Variants in ZP4 observed in about 807,000 individuals in gnomAD.
ZP4 encodes zona pellucida sperm-binding protein 4.
ZP4 carries 62 observed loss-of-function variants against 62.3 expected under a neutral mutation model. That is an observed-to-expected ratio of 0.99 (90% CI 0.81 to 1.23). ZP4 has a LOEUF of 1.23. Ranked by LOEUF, ZP4 falls within the 50% of genes most tolerant of loss-of-function variation. The pLI is 0.00. For synonymous variants in ZP4, 289 were observed against 247.3 expected (o/e 1.17, Z -1.58); for missense variants, 774 against 656.0 (o/e 1.18, Z -1.97).
At chr1:237,888,958 G>A (rs566607910) in intron 3 of ZP4, among the ~76,000 whole-genome samples, 3 of 152,290 alleles carry the variant, frequency 2.0e-5, no homozygotes, top group African/African-American at 7.2e-5. Flanking sequence ...GTATTGGGAA[G>A]GAAGGCAGGT....
chr1:237,883,744 AGAGAGAGGG>A (rs1558530211), intron 10 of ZP4, among the ~76,000 whole-genome samples: 41 of 95,638 alleles, frequency 4.3e-4, no homozygotes, highest in Non-Finnish European at 8.0e-4. Flanking sequence ...AGAGAGAGGG[AGAGAGAGGG>A]AGAGAGAGGG....
At position 237,888,363 on chromosome 1, in the gene ZP4, T is replaced by C. The variant is rs2103019644; in HGVS notation, c.548A>G (p.Asn183Ser). The C allele has an allele frequency of 1.3e-6, 2 of 1,578,070 alleles. No homozygotes were observed. Among genetic ancestry groups the C allele is most frequent in the East Asian group, 2.3e-5 (1 of 43,896 alleles). Residue 183 changes from asparagine (N) to serine (S), a missense_variant, in exon 4 of 12, where the codon AAC (asparagine) becomes AGC (serine). Coordinates refer to ENST00000366570, the MANE Select transcript of ZP4 (RefSeq NM_021186.5). ...SEEVNSCYYGNTVTLHCTREG... is the reference protein window; with the variant it reads ...SEEVNSCYYGSTVTLHCTREG... The stretch of plus-strand genomic sequence containing the variant: ...AGGTGTGCTCACTTACTCACCAGTG[T>C]TTCCATAGTAGCAGGAATTCACCTC...
At chr1:237,887,297 A>C in intron 5 of ZP4, 77 bp downstream of exon 5, 2 of 1,523,434 alleles carry the variant, frequency 1.3e-6, no homozygotes, top group South Asian at 2.5e-5. Context: ...CGGCCAACAT[A>C]TTTCAGCTCT....
intron 7 of ZP4, 45 bp from the exon 8 acceptor site, chr1:237,885,625 G>T: frequency 1.3e-6 from 2 of 1,599,690 alleles, no homozygotes; most frequent in South Asian, 1.1e-5. Flanking sequence ...ATCTCTCAGT[G>T]ACTTGAGGGA....
intron 10 of ZP4, 94 bp downstream of exon 10, chr1:237,884,675 C>A: frequency 8.5e-7 from 1 of 1,170,900 alleles, no homozygotes; most frequent in South Asian, 1.4e-5. Flanking sequence ...TAAGATGAAT[C>A]TTCAGTTTGA....
At position 237,890,658 on chromosome 1, in the gene ZP4, G is replaced by A. The variant is rs374179185; in HGVS notation, c.-23C>T. The A allele has an allele frequency of 1.6e-5, 26 of 1,603,242 alleles. No individual in the cohort carries two copies. The highest frequency in any genetic ancestry group is 1.9e-4 in the Middle Eastern group (1 of 5,170). The stretch of plus-strand genomic sequence containing the variant: ...CATAATGCTACCAGGAGTTCCTGCC[G>A]GCTGCAGACTCTCCGCCTCCTCTCC... On this transcript the variant is annotated 5_prime_UTR_variant, in exon 1 of 12. Coordinates refer to ENST00000366570, the MANE Select transcript of ZP4 (RefSeq NM_021186.5).
intron 4 of ZP4, among the ~76,000 whole-genome samples, chr1:237,887,940 G>A (rs906292222): frequency 6.6e-6 from 1 of 152,176 alleles, no homozygotes; most frequent in East Asian, 1.9e-4. Flanking sequence ...GGCAAAAGCC[G>A]GGATTCCTCC....
chr1:237,889,743 G>C (rs1665192559), intron 3 of ZP4, 124 bp downstream of exon 3: 1 of 865,314 alleles, frequency 1.2e-6, no homozygotes, highest in Admixed American at 1.8e-5. Context: ...GTGAGAGTTG[G>C]GACATGATCC....
rs757256534 is a variant in ZP4 at position 237,884,642 on chromosome 1, G to A, written c.1390+127C>T. 16 of 797,854 alleles carry A rather than the reference G, an allele frequency of 2.0e-5. 1 individual carries two copies. The highest frequency in any genetic ancestry group is 7.6e-5 in the Admixed American group (3 of 39,264). 49.4% of individuals were successfully genotyped at this position (797,854 alleles called of 1,614,324 possible). ...CTAGTCATCTTTGTTCTATGGCACC[G>A]CAAGTACTTAGAGAAGCCTTAGTAA... is the stretch of plus-strand genomic sequence containing the variant. On this transcript the variant is annotated intron_variant, in intron 10 of 11. Transcript: ENST00000366570.
intron 10 of ZP4, among the ~76,000 whole-genome samples, chr1:237,884,441 A>T (rs1451789066): frequency 4.6e-5 from 7 of 152,200 alleles, no homozygotes; most frequent in African/African-American, 9.7e-5. Context: ...CAGACCTGTC[A>T]AGCAGGTACA....
At chr1:237,887,966 A>G (rs1665145080) in intron 4 of ZP4, among the ~76,000 whole-genome samples, 1 of 152,198 alleles carries the variant, frequency 6.6e-6, no homozygotes, top group Non-Finnish European at 1.5e-5. Flanking sequence ...CAACCTATAC[A>G]TACTCTGAGG....
chr1:237,884,563 GA>G lies in ZP4; in HGVS notation c.1390+205del, dbSNP rs1473043920. 2.0e-5 allele frequency among the ~76,000 whole-genome samples: 3 copies of G among 152,328 alleles called. No homozygotes were observed. In the East Asian group the frequency reaches 5.8e-4, roughly 29 times the overall value. ...AGTTTATATGGAAAAAGCTAAGGTT[GA>G]GGGTTACCCGAACATTTATAGCTTG... is the stretch of plus-strand genomic sequence containing the variant. On this transcript the variant is annotated intron_variant, in intron 10 of 11. Coordinates refer to ENST00000366570, the MANE Select transcript of ZP4 (RefSeq NM_021186.5).
At chr1:237,884,019 C>CAA (rs1665027831) in intron 10 of ZP4, among the ~76,000 whole-genome samples, 1 of 58,664 alleles carries the variant, frequency 1.7e-5, no homozygotes, top group Non-Finnish European at 3.6e-5. Flanking sequence ...CACACACAAA[C>CAA]ACACACACAC....
intron 10 of ZP4, among the ~76,000 whole-genome samples, chr1:237,884,017 A>AACACACACACACACACAC (rs142971801): frequency 1.1e-5 from 1 of 87,946 alleles, no homozygotes; most frequent in African/African-American, 4.8e-5. Flanking sequence ...CACACACACA[A>AACACACACACACACACAC]ACACACACAC....
intron 10 of ZP4, among the ~76,000 whole-genome samples, chr1:237,883,716 G>GAAGA (rs1664983748): frequency 6.0e-5 from 1 of 16,572 alleles, no homozygotes; most frequent in Non-Finnish European, 1.1e-4. Flanking sequence ...GGGGAGGGCG[G>GAAGA]GGGAGGGCGG....
At chr1:237,884,193 G>A (rs1665041255) in intron 10 of ZP4, among the ~76,000 whole-genome samples, 1 of 152,106 alleles carries the variant, frequency 6.6e-6, no homozygotes, top group Non-Finnish European at 1.5e-5. Context: ...TGCATTTTTG[G>A]AGATGTTACT....
rs780075742 is a variant in ZP4, at chr1:237,885,789, C to A, written c.937G>T (p.Gly313Ter). 1.9e-6 allele frequency: 3 copies of A among 1,613,960 alleles called. No homozygotes were observed. Among genetic ancestry groups the A allele is most frequent in the African/African-American group, 1.3e-5 (1 of 74,898 alleles). Reference protein sequence around the residue: ...LPPPFPETQPGPLTLELQIAK... With the variant: ...LPPPFPETQP ...ATCTGAAGTTCCAGAGTGAGGGGTC[C>A]AGGCTGGGTCTCAGGAAAGGGTGGT... Residue 313 changes from glycine (G) to a stop codon, truncating the protein, a stop_gained, in exon 7 of 12, where the codon GGA becomes TGA. Coordinates refer to ENST00000366570, the MANE Select transcript of ZP4 (RefSeq NM_021186.5). LOFTEE classifies it high-confidence loss of function.
In ZP4 at chr1:237,887,372, A is replaced by G. The variant is rs745690442; in HGVS notation, c.741+2T>C. The G allele has an allele frequency of 1.9e-6, 3 of 1,613,618 alleles. No homozygotes were observed. The highest frequency in any genetic ancestry group is 2.2e-5 in the South Asian group (2 of 91,006). On this transcript the variant is annotated splice_donor_variant, in intron 5 of 11. Transcript: ENST00000366570. LOFTEE classifies it high-confidence loss of function. ...AGCCAGGAACAAAGCCCAACTGCTCACCTGTCTTGTGGTGCCACAGGAAGT... is the reference window on the plus strand; with the variant it reads ...AGCCAGGAACAAAGCCCAACTGCTCGCCTGTCTTGTGGTGCCACAGGAAGT...
chr1:237,884,015 C>A (rs1371661857), intron 10 of ZP4, among the ~76,000 whole-genome samples: 2 of 84,200 alleles, frequency 2.4e-5, no homozygotes, highest in Admixed American at 1.2e-4. Flanking sequence ...CACACACACA[C>A]AAACACACAC....
Sources: gnomAD v4.1 joint callset for allele counts (sites outside exome capture counted in the v4.1 genomes callset) on GRCh38, gnomAD v4.1.1 for gene constraint, MANE v1.5 for transcripts, NCBI Gene and HGNC (gene_info 2026-07-23, HGNC 2026-07-21) for gene names.